Variants in SUMF1 observed in about 807,000 individuals in gnomAD.
SUMF1 encodes formylglycine-generating enzyme.
A neutral mutation model predicts 47.6 loss-of-function variants in SUMF1; 48 were observed. That is an observed-to-expected ratio of 1.01 (90% confidence interval 0.80 to 1.28). SUMF1 has a LOEUF of 1.28. SUMF1 is among the 50% of genes most tolerant of loss of function. The pLI is 0.00. For missense variants in SUMF1, 571 were observed against 485.4 expected (o/e 1.18, Z -1.66); for synonymous variants, 230 against 192.1 (o/e 1.20, Z -1.63).
intron 8 of SUMF1, among the ~76,000 whole-genome samples, chr3:4,326,525 T>G (rs915777398): frequency 4.0e-5 from 6 of 148,744 alleles, no homozygotes; most frequent in Non-Finnish European, 8.9e-5. Flanking sequence ...TCCAAGGGTT[T>G]TTTTTTTTTT....
chr3:4,262,109 C>T (rs890952289), intron 8 of SUMF1, among the ~76,000 whole-genome samples: 4 of 152,046 alleles, frequency 2.6e-5, no homozygotes, highest in South Asian at 2.1e-4. Context: ...TGTCTATGCC[C>T]GGCCTCAACC....
intron 9 of SUMF1, among the ~76,000 whole-genome samples, chr3:4,056,752 T>C (rs1343690442): frequency 6.6e-6 from 1 of 151,860 alleles, no homozygotes; most frequent in Non-Finnish European, 1.5e-5. Context: ...TTTTTATTTA[T>C]TTTTTTTGAG....
chr3:4,148,606 T>C (rs1050730366), intron 8 of SUMF1, among the ~76,000 whole-genome samples: 1 of 152,174 alleles, frequency 6.6e-6, no homozygotes, highest in Non-Finnish European at 1.5e-5. Context: ...TTGCAAGCCA[T>C]GCACTCCTTC....
At chr3:4,184,329 G>A (rs1260716466) in intron 8 of SUMF1, among the ~76,000 whole-genome samples, 1 of 151,740 alleles carries the variant, frequency 6.6e-6, no homozygotes, top group Non-Finnish European at 1.5e-5. Flanking sequence ...GGTGTTGTGC[G>A]CCTGTAATCC....
At chr3:4,205,211 C>G (rs1695625277) in intron 8 of SUMF1, among the ~76,000 whole-genome samples, 1 of 152,158 alleles carries the variant, frequency 6.6e-6, no homozygotes. Flanking sequence ...TAAGAAGGTT[C>G]TTTGTAATTC....
intron 8 of SUMF1, among the ~76,000 whole-genome samples, chr3:4,214,784 T>TA (rs140164530): frequency 0.61 from 91,982 of 151,704 alleles, 28,138 homozygotes; most frequent in South Asian, 0.69. Context: ...GAAAATAAGC[T>TA]AAAAAACCTA....
chr3:4,340,427 T>C (rs1699247892), intron 8 of SUMF1, among the ~76,000 whole-genome samples: 1 of 152,224 alleles, frequency 6.6e-6, no homozygotes, highest in Non-Finnish European at 1.5e-5. Context: ...TAATAGTTTA[T>C]GGTCTTCATG....
intron 8 of SUMF1, among the ~76,000 whole-genome samples, chr3:4,069,026 T>C (rs1014648090): frequency 2.0e-5 from 3 of 152,274 alleles, no homozygotes; most frequent in Non-Finnish European, 4.4e-5. Context: ...ATATTATATT[T>C]AAATACCCAG....
At chr3:4,258,212 C>T (rs1330477135) in intron 8 of SUMF1, among the ~76,000 whole-genome samples, 1 of 149,334 alleles carries the variant, frequency 6.7e-6, no homozygotes, top group Non-Finnish European at 1.5e-5. Context: ...GCAAGGACTT[C>T]ATGTCCAAAA....
At chr3:4,087,168 C>G (rs566238832) in intron 8 of SUMF1, among the ~76,000 whole-genome samples, 2 of 152,232 alleles carry the variant, frequency 1.3e-5, no homozygotes, top group African/African-American at 4.8e-5. Flanking sequence ...GGAAAGCCAA[C>G]GTGGGGTAGT....
At chr3:4,241,001 T>C (rs1245484043) in intron 8 of SUMF1, among the ~76,000 whole-genome samples, 1 of 152,104 alleles carries the variant, frequency 6.6e-6, no homozygotes, top group Non-Finnish European at 1.5e-5. Context: ...ATGAAGTAGA[T>C]TTTGGCACCC....
chr3:4,362,556 T>C (rs1021013468), intron 8 of SUMF1, among the ~76,000 whole-genome samples: 4 of 152,130 alleles, frequency 2.6e-5, no homozygotes, highest in African/African-American at 9.7e-5. Flanking sequence ...ATCCATATAA[T>C]AGAAAAGTAA....
At chr3:4,253,034 T>C (rs1696842480) in intron 8 of SUMF1, among the ~76,000 whole-genome samples, 1 of 152,238 alleles carries the variant, frequency 6.6e-6, no homozygotes, top group Non-Finnish European at 1.5e-5. Context: ...TATGTGTTTT[T>C]CCATAAGAGT....
chr3:4,152,734 G>C (rs1302663546), intron 8 of SUMF1, among the ~76,000 whole-genome samples: 2 of 151,388 alleles, frequency 1.3e-5, no homozygotes, highest in African/African-American at 4.9e-5. Flanking sequence ...GCAGCCCAAG[G>C]CTGTCCTGAG....
chr3:4,197,544 A>C (rs1280723465), intron 8 of SUMF1, among the ~76,000 whole-genome samples: 1 of 152,138 alleles, frequency 6.6e-6, no homozygotes, highest in East Asian at 1.9e-4. Context: ...CAGAGAAGAA[A>C]TTACCCTGCT....
chr3:4,255,156 A>T (rs576091594), intron 8 of SUMF1, among the ~76,000 whole-genome samples: 197 of 149,332 alleles, frequency 1.3e-3, no homozygotes, highest in African/African-American at 4.8e-3. Flanking sequence ...GCCGCTGCAA[A>T]ATCATGCCAA....
intron 8 of SUMF1, among the ~76,000 whole-genome samples, chr3:4,196,876 C>T (rs568445153): frequency 2.4e-4 from 36 of 152,184 alleles, no homozygotes; most frequent in African/African-American, 8.2e-4. Context: ...TCAATAAAAG[C>T]CTTGTTTGTT....
chr3:4,228,563 G>A (rs1696227431), intron 8 of SUMF1, among the ~76,000 whole-genome samples: 1 of 152,108 alleles, frequency 6.6e-6, no homozygotes, highest in African/African-American at 2.4e-5. Context: ...ATGCGGCTCT[G>A]CTTCACTGCT....
intron 9 of SUMF1, among the ~76,000 whole-genome samples, chr3:4,067,933 T>C (rs1695415247): frequency 6.6e-6 from 1 of 152,164 alleles, no homozygotes; most frequent in Non-Finnish European, 1.5e-5. Context: ...TTATTGTCCC[T>C]TTTTTCAGAT....
Sources: allele counts gnomAD v4.1 joint callset (sites outside exome capture counted in the v4.1 genomes callset), GRCh38; gene constraint gnomAD v4.1.1; transcripts MANE v1.5; gene names NCBI Gene and HGNC (gene_info 2026-07-23, HGNC 2026-07-21).